Variants in SNTB1 observed in about 807,000 individuals in gnomAD.
The protein encoded by SNTB1 is beta-1-syntrophin.
In SNTB1, 36 loss-of-function variants were observed where a neutral mutation model predicts 48.9. The ratio of observed to expected loss-of-function variants is 0.74; its 90% confidence interval spans 0.56 to 0.97. SNTB1 has a LOEUF of 0.97. Among genes scored for constraint, SNTB1 ranks in the 50% least tolerant of loss-of-function variants. SNTB1 has a pLI of 0.00. For missense variants in SNTB1, 786 were observed against 703.4 expected (o/e 1.12, Z -1.33); for synonymous variants, 299 against 294.6 (o/e 1.01, Z -0.15).
intron 1 of SNTB1, among the ~76,000 whole-genome samples, chr8:120,712,558 C>A (rs1818481820): frequency 1.3e-5 from 2 of 152,180 alleles, no homozygotes; most frequent in South Asian, 2.1e-4. Flanking sequence ...ATTTTATATG[C>A]ATTTTTTATA....
intron 4 of SNTB1, among the ~76,000 whole-genome samples, chr8:120,553,555 T>A (rs946571637): frequency 6.6e-6 from 1 of 152,188 alleles, no homozygotes; most frequent in Non-Finnish European, 1.5e-5. Context: ...ATAAGTACTA[T>A]GTGTAAATGT....
chr8:120,551,601 C>T (rs924527853), intron 4 of SNTB1, among the ~76,000 whole-genome samples: 10 of 151,752 alleles, frequency 6.6e-5, no homozygotes, highest in Non-Finnish European at 1.2e-4. Flanking sequence ...TGGCATGTGC[C>T]TGTAATCCCA....
chr8:120,611,822 G>GAA lies in SNTB1; in HGVS notation c.996+20620_996+20621dup, dbSNP rs397892337. Among the ~76,000 whole-genome samples, 432 of 58,394 alleles carry GAA rather than the reference G, an allele frequency of 7.4e-3. 10 individuals are homozygous for GAA. The highest frequency in any genetic ancestry group is 0.026 in the African/African-American group (363 of 13,968). 38.3% of individuals were successfully genotyped at this position (58,394 alleles called of 152,430 possible). A position where few individuals can be genotyped will look rare whatever the true frequency, so the allele number is the denominator to read the frequency against. On this transcript the variant is annotated intron_variant, in intron 3 of 6. Coordinates refer to ENST00000517992, the MANE Select transcript of SNTB1 (RefSeq NM_021021.4). The stretch of plus-strand genomic sequence containing the variant: ...GGGTGACAGAGCGAGACTCTGTCTC[G>GAA]AAAAAAAAAAAAAAAAAAAAAAAGG...
At chr8:120,544,067 A>C (rs1815337172) in intron 5 of SNTB1, among the ~76,000 whole-genome samples, 1 of 151,876 alleles carries the variant, frequency 6.6e-6, no homozygotes, top group Non-Finnish European at 1.5e-5. Flanking sequence ...CTGGGATTAC[A>C]GGCATGTGTC....
intron 1 of SNTB1, among the ~76,000 whole-genome samples, chr8:120,694,574 T>C (rs1431135308): frequency 1.3e-5 from 2 of 150,928 alleles, no homozygotes; most frequent in African/African-American, 4.9e-5. Flanking sequence ...ATTAATTCTT[T>C]ATATATATAT....
At chr8:120,588,829 G>T (rs1338345838) in intron 3 of SNTB1, among the ~76,000 whole-genome samples, 1 of 152,188 alleles carries the variant, frequency 6.6e-6, no homozygotes, top group Non-Finnish European at 1.5e-5. Context: ...AAATTCAGAA[G>T]CCTGCTCCTC....
intron 1 of SNTB1, among the ~76,000 whole-genome samples, chr8:120,786,171 T>G (rs754941361): frequency 3.8e-4 from 58 of 152,186 alleles, no homozygotes; most frequent in Non-Finnish European, 6.3e-4. Context: ...GAAGCCCCAC[T>G]GGGTGGCTAG....
intron 4 of SNTB1, among the ~76,000 whole-genome samples, chr8:120,566,572 A>G (rs1009993543): frequency 2.6e-5 from 4 of 152,136 alleles, no homozygotes; most frequent in African/African-American, 7.2e-5. Flanking sequence ...AGCAGCCCCA[A>G]ATGGACTCGG....
At chr8:120,627,626 G>A (rs1281860796) in intron 3 of SNTB1, among the ~76,000 whole-genome samples, 2 of 152,174 alleles carry the variant, frequency 1.3e-5, no homozygotes, top group Non-Finnish European at 2.9e-5. Flanking sequence ...ATGGATAGGA[G>A]AGATGAGAAG....
intron 4 of SNTB1, among the ~76,000 whole-genome samples, chr8:120,558,489 T>C (rs1040380606): frequency 1.3e-5 from 2 of 152,194 alleles, no homozygotes; most frequent in Non-Finnish European, 2.9e-5. Flanking sequence ...CAGAAACACA[T>C]TCCCATGGTT....
intron 1 of SNTB1, among the ~76,000 whole-genome samples, chr8:120,748,004 T>C (rs1007924997): frequency 2.6e-5 from 4 of 152,224 alleles, no homozygotes; most frequent in African/African-American, 9.6e-5. Context: ...TATTATGCAT[T>C]GCTAGTTATT....
intron 3 of SNTB1, among the ~76,000 whole-genome samples, chr8:120,598,149 C>T (rs1816356276): frequency 6.6e-6 from 1 of 152,198 alleles, no homozygotes; most frequent in South Asian, 2.1e-4. Context: ...ACATCCCTTT[C>T]CATTCCAATC....
chr8:120,732,818 C>A (rs1818873867), intron 1 of SNTB1, among the ~76,000 whole-genome samples: 1 of 152,042 alleles, frequency 6.6e-6, no homozygotes, highest in South Asian at 2.1e-4. Flanking sequence ...GCACTCCAGC[C>A]CAGCCTGGGT....
chr8:120,781,660 A>G lies in SNTB1; in HGVS notation c.571+29613T>C, dbSNP rs1265024734. ...TCTGTGTATTATACGTGTGTGGCCA[A>G]CCTACCTCTTTTTATGAATTTCACA... On this transcript the variant is annotated intron_variant, in intron 1 of 6. Coordinates refer to ENST00000517992, the MANE Select transcript of SNTB1 (RefSeq NM_021021.4). Among the ~76,000 whole-genome samples, 6 of 152,328 alleles carry G rather than the reference A, an allele frequency of 3.9e-5. No individual in the cohort carries two copies. The East Asian group carries it at 1.2e-3, about 29-fold the overall frequency.
chr8:120,554,777 T>C (rs1328305918), intron 4 of SNTB1, among the ~76,000 whole-genome samples: 1 of 152,166 alleles, frequency 6.6e-6, no homozygotes, highest in Non-Finnish European at 1.5e-5. Context: ...AACCTATACC[T>C]GTGGCCTCAT....
At chr8:120,555,258 T>A (rs1225406037) in intron 4 of SNTB1, among the ~76,000 whole-genome samples, 2 of 152,194 alleles carry the variant, frequency 1.3e-5, no homozygotes, top group Non-Finnish European at 2.9e-5. Context: ...GGGAAACAGC[T>A]TCTTCTATAG....
At chr8:120,577,767 T>C (rs1312635472) in intron 3 of SNTB1, among the ~76,000 whole-genome samples, 5 of 152,240 alleles carry the variant, frequency 3.3e-5, no homozygotes, top group Non-Finnish European at 7.3e-5. Context: ...ACTTCTCTAC[T>C]GGTGGAATCA....
At chr8:120,689,060 T>C (rs188847153) in intron 2 of SNTB1, among the ~76,000 whole-genome samples, 8 of 152,264 alleles carry the variant, frequency 5.3e-5, no homozygotes. Context: ...AATAAAAATA[T>C]ATTGTAATTA....
chr8:120,630,321 G>A (rs1036472107), intron 3 of SNTB1, among the ~76,000 whole-genome samples: 2 of 152,214 alleles, frequency 1.3e-5, no homozygotes, highest in Non-Finnish European at 2.9e-5. Flanking sequence ...ACCACAGCTG[G>A]TAGTGGGTGG....
Sources: gnomAD v4.1 joint callset for allele counts (sites outside exome capture counted in the v4.1 genomes callset) on GRCh38, gnomAD v4.1.1 for gene constraint, MANE v1.5 for transcripts, NCBI Gene and HGNC (gene_info 2026-07-23, HGNC 2026-07-21) for gene names.